Variants in ZFAT observed in about 807,000 individuals in gnomAD.
The protein encoded by ZFAT is zinc finger protein ZFAT.
In ZFAT, 64 loss-of-function variants were observed where a neutral mutation model predicts 117.7. The observed-to-expected ratio is 0.54, with a 90% CI of 0.44 to 0.67. The LOEUF is 0.67. ZFAT is among the 30% of genes least tolerant of loss of function. The pLI is 0.00. For missense variants in ZFAT, 1,433 were observed against 1,584.5 expected, an observed-to-expected ratio of 0.90 and a Z score of 1.62; for synonymous variants, 679 against 615.0, an observed-to-expected ratio of 1.10 and a Z score of -1.54.
intron 11 of ZFAT, among the ~76,000 whole-genome samples, chr8:134,537,886 T>C (rs959996750): frequency 1.3e-5 from 2 of 152,130 alleles, no homozygotes; most frequent in African/African-American, 2.4e-5. Flanking sequence ...AGATGGAGCC[T>C]CTAGGATGAA....
chr8:134,683,081 C>T (rs947244140), intron 1 of ZFAT, among the ~76,000 whole-genome samples: 2 of 152,188 alleles, frequency 1.3e-5, no homozygotes, highest in Non-Finnish European at 2.9e-5. Context: ...TGGAATAATA[C>T]GCTTTGCAGC....
the ZFAT span, among the ~76,000 whole-genome samples, chr8:134,753,285 T>G: frequency 6.6e-6 from 1 of 150,706 alleles, no homozygotes; most frequent in African/African-American, 2.4e-5. Context: ...GGGAGGGTGG[T>G]AGGAATAGAA....
intron 3 of ZFAT, among the ~76,000 whole-genome samples, chr8:134,630,230 CTGGGTTTCCA>C (rs1205574296): frequency 6.6e-6 from 1 of 152,218 alleles, no homozygotes; most frequent in Non-Finnish European, 1.5e-5. Flanking sequence ...CTGGAGACCA[CTGGGTTTCCA>C]CTCACCTAGT....
chr8:134,750,860 G>GT, the ZFAT span, among the ~76,000 whole-genome samples: 3 of 152,142 alleles, frequency 2.0e-5, no homozygotes, highest in Non-Finnish European at 2.9e-5. Context: ...GTTCTATCAC[G>GT]TACTATAAGA....
At chr8:134,496,406 C>T (rs999174127) in intron 15 of ZFAT, among the ~76,000 whole-genome samples, 2 of 152,228 alleles carry the variant, frequency 1.3e-5, no homozygotes, top group South Asian at 2.1e-4. Flanking sequence ...TCCCATGAAA[C>T]GGGCTTCTCC....
At chr8:134,802,075 C>T in the ZFAT span, among the ~76,000 whole-genome samples, 1 of 152,134 alleles carries the variant, frequency 6.6e-6, no homozygotes, top group African/African-American at 2.4e-5. Context: ...GACTGTTTCA[C>T]CAAACCTGTT....
In ZFAT at chr8:134,521,002, C is replaced by T; in HGVS notation, c.3116-1G>A. ...CTGCAAACAGGACACTTCAAACCAC[C>T]TGAAAGCACAGACAGAGGTTAAAAA... On this transcript the variant is annotated splice_acceptor_variant, in intron 12 of 15. Coordinates refer to ENST00000377838, the MANE Select transcript of ZFAT (RefSeq NM_020863.4). LOFTEE classifies it high-confidence loss of function. 6.2e-7 allele frequency: 1 copy of T among 1,610,396 alleles called. No individual in the cohort carries two copies. Among genetic ancestry groups the T allele is most frequent in the Non-Finnish European group, 8.5e-7 (1 of 1,178,076 alleles).
At chr8:134,516,508 G>A (rs1403350851) in intron 13 of ZFAT, among the ~76,000 whole-genome samples, 3 of 152,076 alleles carry the variant, frequency 2.0e-5, no homozygotes, top group Non-Finnish European at 4.4e-5. Context: ...GTTTACATAG[G>A]GTTTTGTTTT....
intron 15 of ZFAT, among the ~76,000 whole-genome samples, chr8:134,506,196 C>T (rs1819395098): frequency 6.6e-6 from 1 of 152,212 alleles, no homozygotes; most frequent in African/African-American, 2.4e-5. Context: ...ATTTCCTCCT[C>T]ATAAAACCTT....
intron 11 of ZFAT, among the ~76,000 whole-genome samples, chr8:134,536,836 A>C (rs1275891680): frequency 6.6e-6 from 1 of 152,250 alleles, no homozygotes; most frequent in East Asian, 1.9e-4. Context: ...GAAACTCGCA[A>C]ACAACAAATG....
chr8:134,783,482 T>A, the ZFAT span, among the ~76,000 whole-genome samples: 1 of 151,172 alleles, frequency 6.6e-6, no homozygotes, highest in Non-Finnish European at 1.5e-5. Flanking sequence ...CCCTTACCCC[T>A]GTCCATGGAA....
the ZFAT span, among the ~76,000 whole-genome samples, chr8:134,731,590 A>G: frequency 4.6e-5 from 7 of 152,256 alleles, no homozygotes; most frequent in Non-Finnish European, 8.8e-5. Context: ...ACAAAAGCAG[A>G]TGGAATACAC....
chr8:134,698,624 G>A (rs537139478), intron 1 of ZFAT, among the ~76,000 whole-genome samples: 9 of 152,208 alleles, frequency 5.9e-5, no homozygotes, highest in East Asian at 1.9e-4. Flanking sequence ...AGCGTCAGAC[G>A]GTCAGGTGAA....
the ZFAT span, among the ~76,000 whole-genome samples, chr8:134,726,769 AT>A: frequency 2.2e-4 from 33 of 149,630 alleles, no homozygotes; most frequent in Admixed American, 4.6e-4. Context: ...GCCTGGCTAA[AT>A]TTTTTTTTTT....
intron 3 of ZFAT, among the ~76,000 whole-genome samples, chr8:134,635,743 TCACTGGAAATCA>T (rs1830173730): frequency 6.6e-6 from 1 of 151,928 alleles, no homozygotes; most frequent in Non-Finnish European, 1.5e-5. Context: ...GATTAACAAA[TCACTGGAAATCA>T]GAGCTTCGGG....
intron 6 of ZFAT, 92 bp from the exon 7 acceptor site, chr8:134,600,760 T>C: frequency 9.8e-7 from 1 of 1,023,076 alleles, no homozygotes; most frequent in Non-Finnish European, 1.4e-6. Flanking sequence ...CTACAATATC[T>C]ATCTCCCTCT....
the ZFAT span, among the ~76,000 whole-genome samples, chr8:134,728,697 G>T: frequency 2.0e-5 from 3 of 152,128 alleles, no homozygotes; most frequent in African/African-American, 7.2e-5. Flanking sequence ...CAAAAGTTTT[G>T]ATAACTTATA....
At chr8:134,674,791 G>A (rs771580927) in intron 1 of ZFAT, 2 of 301,538 alleles carry the variant, frequency 6.6e-6, no homozygotes, top group South Asian at 5.4e-5. Flanking sequence ...AGCTTCCAGA[G>A]GCAGGAACAG....
intron 7 of ZFAT, among the ~76,000 whole-genome samples, chr8:134,596,581 A>G (rs564363334): frequency 2.6e-5 from 4 of 152,342 alleles, no homozygotes; most frequent in Non-Finnish European, 4.4e-5. Context: ...TTCACAAAGA[A>G]TTAGATTGAA....
Sources: gnomAD v4.1 joint callset for allele counts (sites outside exome capture counted in the v4.1 genomes callset) on GRCh38, gnomAD v4.1.1 for gene constraint, MANE v1.5 for transcripts, NCBI Gene and HGNC (gene_info 2026-07-23, HGNC 2026-07-21) for gene names.